The following STXBP5L variants were observed in gnomAD, a reference collection of about 807,000 sequenced individuals.
STXBP5L encodes syntaxin-binding protein 5-like.
STXBP5L carries 65 observed loss-of-function variants against 144.5 expected under a neutral mutation model. The ratio of observed to expected loss-of-function variants is 0.45; its 90% CI spans 0.37 to 0.55. STXBP5L has a LOEUF of 0.55. Ranked by LOEUF, STXBP5L falls within the 20% of genes least tolerant of loss-of-function variation. The pLI is 0.00. For missense variants in STXBP5L, 1,298 were observed against 1,405.5 expected, an observed-to-expected ratio of 0.92 and a Z score of 1.22; for synonymous variants, 505 against 469.6, an observed-to-expected ratio of 1.08 and a Z score of -0.97.
chr3:121,349,296 A>G (rs2045161529), intron 20 of STXBP5L, among the ~76,000 whole-genome samples: 1 of 152,034 alleles, frequency 6.6e-6, no homozygotes, highest in South Asian at 2.1e-4. Context: ...CCTGCGTTCT[A>G]GTTTGATTGC....
chr3:120,963,350 T>C (rs925286371), intron 3 of STXBP5L, among the ~76,000 whole-genome samples: 2 of 152,244 alleles, frequency 1.3e-5, no homozygotes, highest in African/African-American at 4.8e-5. Context: ...CTCTGTCTTG[T>C]ACCAGTTTTC....
At chr3:121,078,879 G>A (rs1041396759) in intron 5 of STXBP5L, among the ~76,000 whole-genome samples, 1 of 152,256 alleles carries the variant, frequency 6.6e-6, no homozygotes, top group Non-Finnish European at 1.5e-5. Context: ...TGCCCACCCA[G>A]AACTCCAGCT....
chr3:120,930,917 T>C (rs929025968), intron 2 of STXBP5L, among the ~76,000 whole-genome samples: 2 of 152,202 alleles, frequency 1.3e-5, no homozygotes, highest in African/African-American at 4.8e-5. Context: ...CTGGGATAAC[T>C]ATGTTTTTCT....
At chr3:121,176,966 A>G (rs534887342) in intron 9 of STXBP5L, among the ~76,000 whole-genome samples, 5 of 152,040 alleles carry the variant, frequency 3.3e-5, no homozygotes, top group Non-Finnish European at 7.4e-5. Flanking sequence ...AAAACTCTGA[A>G]TCTGTATATT....
chr3:121,157,714 A>T (rs1210153518), intron 9 of STXBP5L, 87 bp downstream of exon 9: 1 of 1,511,456 alleles, frequency 6.6e-7, no homozygotes, highest in Non-Finnish European at 8.8e-7. Flanking sequence ...TGCGTTTGGT[A>T]GAAAAAAGTA....
intron 2 of STXBP5L, among the ~76,000 whole-genome samples, chr3:120,951,327 A>T (rs1396256746): frequency 2.0e-4 from 31 of 152,146 alleles, no homozygotes; most frequent in Admixed American, 1.6e-3. Flanking sequence ...CTAAAGAGCT[A>T]CTGCACAGCA....
chr3:121,167,361 T>G (rs951774008), intron 9 of STXBP5L, among the ~76,000 whole-genome samples: 1 of 152,084 alleles, frequency 6.6e-6, no homozygotes, highest in Non-Finnish European at 1.5e-5. Context: ...AAAGATGGTA[T>G]AAAAGAAAAA....
intron 3 of STXBP5L, among the ~76,000 whole-genome samples, chr3:121,028,307 T>G (rs983378292): frequency 2.6e-5 from 4 of 152,054 alleles, no homozygotes; most frequent in Non-Finnish European, 5.9e-5. Context: ...AGCAGAAATT[T>G]TTGCAGTATT....
chr3:121,262,897 C>G (rs1314488875), intron 18 of STXBP5L, among the ~76,000 whole-genome samples: 2 of 152,218 alleles, frequency 1.3e-5, no homozygotes, highest in African/African-American at 4.8e-5. Flanking sequence ...ACAGTTTCAG[C>G]AGACTTAAAT....
chr3:121,371,192 A>G (rs1172211403), intron 20 of STXBP5L, among the ~76,000 whole-genome samples: 1 of 151,660 alleles, frequency 6.6e-6, no homozygotes, highest in African/African-American at 2.4e-5. Flanking sequence ...TTTTTCTTTT[A>G]TTCTATTTGA....
intron 2 of STXBP5L, among the ~76,000 whole-genome samples, chr3:120,913,597 C>T (rs908034779): frequency 1.3e-5 from 2 of 151,976 alleles, no homozygotes; most frequent in Non-Finnish European, 2.9e-5. Context: ...TAAATGACTA[C>T]GTTTTTCTGT....
At chr3:120,996,376 T>C (rs570617303) in intron 3 of STXBP5L, among the ~76,000 whole-genome samples, 1 of 152,166 alleles carries the variant, frequency 6.6e-6, no homozygotes, top group South Asian at 2.1e-4. Context: ...GTATACAATG[T>C]CATATATATT....
At chr3:121,336,003 T>C (rs140747080) in intron 20 of STXBP5L, among the ~76,000 whole-genome samples, 15,051 of 151,912 alleles carry the variant, frequency 0.099, 1,173 homozygotes, top group Admixed American at 0.2. Flanking sequence ...TGGGAGAAAA[T>C]ATTTTCAAAC....
At chr3:120,937,673 C>T (rs1039605626) in intron 2 of STXBP5L, among the ~76,000 whole-genome samples, 10 of 151,942 alleles carry the variant, frequency 6.6e-5, no homozygotes, top group Admixed American at 2.6e-4. Flanking sequence ...TGGAGGAGAG[C>T]GATGACTTCT....
intron 3 of STXBP5L, among the ~76,000 whole-genome samples, chr3:121,017,757 A>G (rs1355562873): frequency 6.6e-6 from 1 of 151,818 alleles, no homozygotes; most frequent in African/African-American, 2.4e-5. Flanking sequence ...CAGAAGACTG[A>G]TGAAAGAAAT....
intron 5 of STXBP5L, among the ~76,000 whole-genome samples, chr3:121,072,649 A>G (rs1260052986): frequency 6.6e-6 from 1 of 152,196 alleles, no homozygotes; most frequent in Non-Finnish European, 1.5e-5. Context: ...CAGTAAGGGC[A>G]TGGTAAGGGT....
intron 2 of STXBP5L, among the ~76,000 whole-genome samples, chr3:120,911,452 A>G (rs1708837954): frequency 6.6e-6 from 1 of 152,118 alleles, no homozygotes; most frequent in Non-Finnish European, 1.5e-5. Flanking sequence ...CTCTTGGGTA[A>G]GCCATTTATC....
At chr3:121,389,087 A>C (rs1445954990) in intron 22 of STXBP5L, among the ~76,000 whole-genome samples, 3 of 152,214 alleles carry the variant, frequency 2.0e-5, no homozygotes, top group Non-Finnish European at 2.9e-5. Context: ...TGGTCTATTC[A>C]GAGATTCAAC....
intron 2 of STXBP5L, among the ~76,000 whole-genome samples, chr3:120,924,195 C>T (rs558153738): frequency 6.6e-6 from 1 of 152,144 alleles, no homozygotes; most frequent in Non-Finnish European, 1.5e-5. Context: ...CATTTCACCA[C>T]ACAATCCCAC....
Sources: gnomAD v4.1 joint callset for allele counts (sites outside exome capture counted in the v4.1 genomes callset) on GRCh38, gnomAD v4.1.1 for gene constraint, MANE v1.5 for transcripts, NCBI Gene and HGNC (gene_info 2026-07-23, HGNC 2026-07-21) for gene names.